AKIRIN2: variants seen among roughly 807,000 people sequenced by gnomAD.
AKIRIN2 encodes akirin 2, also known as akirin-2.
A neutral mutation model predicts 29.3 loss-of-function variants in AKIRIN2; 6 were observed. The observed-to-expected ratio is 0.20, with a 90% confidence interval of 0.11 to 0.40. The LOEUF (loss-of-function observed/expected upper bound fraction) is 0.40. Among genes scored for constraint, AKIRIN2 ranks in the 10% least tolerant of loss-of-function variants. AKIRIN2 has a pLI of 1.00. For missense variants in AKIRIN2, 210 were observed against 276.1 expected, an observed-to-expected ratio of 0.76 and a Z score of 1.70; for synonymous variants, 128 against 117.5, an observed-to-expected ratio of 1.09 and a Z score of -0.58.
chr6:87,688,696 C>T (rs1562399159), intron 1 of AKIRIN2, among the ~76,000 whole-genome samples: 1 of 151,870 alleles, frequency 6.6e-6, no homozygotes, highest in Non-Finnish European at 1.5e-5. Context: ...GAGGTTGCAG[C>T]GAGCCGAGAT....
chr6:87,677,618 C>T (rs1771042566), intron 3 of AKIRIN2, among the ~76,000 whole-genome samples, 200 bp downstream of exon 3: 1 of 152,180 alleles, frequency 6.6e-6, no homozygotes, highest in African/African-American at 2.4e-5. Context: ...CTGATCTACA[C>T]GGCTAGCCAA....
intron 1 of AKIRIN2, among the ~76,000 whole-genome samples, chr6:87,687,058 A>T (rs114546313): frequency 0.033 from 4,904 of 150,840 alleles, 290 homozygotes; most frequent in African/African-American, 0.11. Context: ...AAAAAAAAAA[A>T]AAAAAATCTT....
At chr6:87,695,186 G>C (rs887106478) in intron 1 of AKIRIN2, among the ~76,000 whole-genome samples, 3 of 152,136 alleles carry the variant, frequency 2.0e-5, no homozygotes, top group Admixed American at 6.5e-5. Context: ...TGTAATCCAT[G>C]TTCTCATCAT....
rs1334697671 is a variant in AKIRIN2 at position 87,675,096 on chromosome 6, A to G, written c.*501T>C. The G allele has an allele frequency of 6.5e-6, 1 of 153,374 alleles. No individual in the cohort carries two copies. The highest frequency in any genetic ancestry group is 1.5e-5 in the Non-Finnish European group (1 of 68,882). 9.5% of individuals were successfully genotyped at this position (153,374 alleles called of 1,614,324 possible). ...CATACAAACCCATTCTGAAACCCCA[A>G]GAAGTCCTGGAATACAGAAATGCCC... is the stretch of plus-strand genomic sequence containing the variant. On this transcript the variant is annotated 3_prime_UTR_variant, in exon 5 of 5. Transcript: ENST00000257787.
intron 1 of AKIRIN2, among the ~76,000 whole-genome samples, chr6:87,697,675 T>C (rs1771393091): frequency 6.6e-6 from 1 of 152,244 alleles, no homozygotes; most frequent in African/African-American, 2.4e-5. Context: ...GTGTCTCCGT[T>C]TGCAGGCATG....
rs1771178890 is a variant in AKIRIN2 at position 87,685,926 on chromosome 6, A to T, written c.236-4163T>A. 3.3e-5 allele frequency among the ~76,000 whole-genome samples: 5 copies of T among 152,314 alleles called. No individual in the cohort carries two copies. The South Asian group carries it at 6.2e-4, about 19-fold the overall frequency. On this transcript the variant is annotated intron_variant, in intron 1 of 4. Coordinates refer to ENST00000257787, the MANE Select transcript of AKIRIN2 (RefSeq NM_018064.4). ...TCCTTTGGAATATTTTTAACAACAA[A>T]TTAGGAGGCCAGATGCAGTGGCTCA...
rs538427925 is a variant in AKIRIN2 at position 87,690,844 on chromosome 6, G to A, written c.236-9081C>T. ...AAAAGTTAAACGGGCATAATGGCGG[G>A]CACCTGTAATCCCAGCTACTAGGGA... On this transcript the variant is annotated intron_variant, in intron 1 of 4. Transcript: ENST00000257787. Among the ~76,000 whole-genome samples, 6 of 152,034 alleles carry A rather than the reference G, an allele frequency of 3.9e-5. No individual in the cohort carries two copies. The East Asian group carries it at 1.2e-3, about 30-fold the overall frequency.
rs755536759 is a variant in AKIRIN2, at chr6:87,701,980, G to C, written c.-296C>G. 3.0e-5 allele frequency: 12 copies of C among 402,542 alleles called. No homozygotes were observed. The highest frequency in any genetic ancestry group is 4.4e-5 in the Admixed American group (1 of 22,760). 24.9% of individuals were successfully genotyped at this position (402,542 alleles called of 1,614,324 possible). On this transcript the variant is annotated 5_prime_UTR_variant, in exon 1 of 5. Transcript: ENST00000257787. ...CCGCCTCCTCAGGCGCGGCTCCCCC[G>C]AGAGAGGCTCCGGCCGCCCCCGCCG...
At chr6:87,678,236 C>T (rs959541559) in intron 2 of AKIRIN2, among the ~76,000 whole-genome samples, 3 of 152,102 alleles carry the variant, frequency 2.0e-5, no homozygotes, top group Admixed American at 1.3e-4. Context: ...AAAGGTTGGG[C>T]GTGGTGCTCA....
intron 3 of AKIRIN2, among the ~76,000 whole-genome samples, chr6:87,676,293 T>C (rs1334336470): frequency 6.7e-6 from 1 of 148,192 alleles, no homozygotes; most frequent in East Asian, 2.0e-4. Flanking sequence ...TGAAACCCCA[T>C]CTCTACTAAA....
At chr6:87,680,786 T>TAAA (rs201863649) in intron 2 of AKIRIN2, among the ~76,000 whole-genome samples, 3 of 81,614 alleles carry the variant, frequency 3.7e-5, no homozygotes, top group Admixed American at 1.4e-4. Flanking sequence ...TTTTTTTTTT[T>TAAA]AAAAAAAAGG....
chr6:87,678,434 G>A (rs771522726), intron 2 of AKIRIN2, among the ~76,000 whole-genome samples: 2 of 151,906 alleles, frequency 1.3e-5, no homozygotes, highest in South Asian at 2.1e-4. Flanking sequence ...CCCGGGAGGC[G>A]GAGGTTTCAG....
chr6:87,698,701 G>T (rs2128303137), intron 1 of AKIRIN2, among the ~76,000 whole-genome samples: 1 of 152,296 alleles, frequency 6.6e-6, no homozygotes, highest in East Asian at 1.9e-4. Context: ...TCTAAGCCTT[G>T]CGGTTAAGAA....
intron 1 of AKIRIN2, among the ~76,000 whole-genome samples, chr6:87,697,722 CCCTT>C (rs1771394302): frequency 6.6e-6 from 1 of 152,166 alleles, no homozygotes; most frequent in Non-Finnish European, 1.5e-5. Flanking sequence ...TTCCTGTAAA[CCCTT>C]CCCCATTCAC....
intron 1 of AKIRIN2, among the ~76,000 whole-genome samples, chr6:87,697,134 C>A (rs914758697): frequency 6.6e-6 from 1 of 151,710 alleles, no homozygotes; most frequent in Admixed American, 6.6e-5. Context: ...CATGGTGAAA[C>A]CCCATCTCTA....
chr6:87,696,228 A>G (rs1482049360), intron 1 of AKIRIN2, among the ~76,000 whole-genome samples: 2 of 152,126 alleles, frequency 1.3e-5, no homozygotes, highest in African/African-American at 4.8e-5. Context: ...TCTTTTTCCA[A>G]TAAAGCCATT....
intron 1 of AKIRIN2, among the ~76,000 whole-genome samples, chr6:87,696,910 G>A (rs1771376427): frequency 6.6e-6 from 1 of 151,842 alleles, no homozygotes; most frequent in Non-Finnish European, 1.5e-5. Context: ...GGAGGCTGAG[G>A]CAGGAGAATC....
rs545596842 is a variant in AKIRIN2 at position 87,693,326 on chromosome 6, C to T, written c.235+8124G>A. ...TAGCTATAAAAAAAAATTGTAACAC[C>T]TCTTCATGTTACATCCAGAAATGTA... On this transcript the variant is annotated intron_variant, in intron 1 of 4. Transcript: ENST00000257787. Among the ~76,000 whole-genome samples, 196 of 152,290 alleles carry T rather than the reference C, an allele frequency of 1.3e-3. No homozygotes were observed. In the Middle Eastern group the frequency reaches 0.014, roughly 11 times the overall value.
At chr6:87,679,143 A>AG (rs1030478229) in intron 2 of AKIRIN2, among the ~76,000 whole-genome samples, 2 of 145,248 alleles carry the variant, frequency 1.4e-5, no homozygotes, top group African/African-American at 2.8e-5. Context: ...CTCAGAAAAA[A>AG]AAAAAAAAAA....
Sources: allele counts gnomAD v4.1 joint callset (sites outside exome capture counted in the v4.1 genomes callset), GRCh38; gene constraint gnomAD v4.1.1; transcripts MANE v1.5; gene names NCBI Gene and HGNC (gene_info 2026-07-23, HGNC 2026-07-21).